Variants in FRAS1 observed in about 807,000 individuals in gnomAD.
The protein encoded by FRAS1 is Fraser extracellular matrix complex subunit 1, also known as extracellular matrix organizing protein FRAS1.
FRAS1 carries 290 observed loss-of-function variants against 435.2 expected under a neutral mutation model. That is an observed-to-expected ratio of 0.67 (90% CI 0.61 to 0.73). FRAS1 has a LOEUF of 0.73. Among genes scored for constraint, FRAS1 ranks in the 30% least tolerant of loss-of-function variants. The pLI is 0.00. For synonymous variants in FRAS1, 1,800 were observed against 1,851.0 expected, an observed-to-expected ratio of 0.97 and a Z score of 0.71; for missense variants, 4,860 against 5,001.5, an observed-to-expected ratio of 0.97 and a Z score of 0.85.
chr4:78,384,302 G>A (rs752463597), intron 28 of FRAS1, among the ~76,000 whole-genome samples, 159 bp downstream of exon 28: 3 of 152,000 alleles, frequency 2.0e-5, no homozygotes, highest in Non-Finnish European at 4.4e-5. Flanking sequence ...AGGACTTCTG[G>A]GTAATAACAA....
chr4:78,336,356 T>G (rs997190673), intron 19 of FRAS1, among the ~76,000 whole-genome samples: 2 of 152,148 alleles, frequency 1.3e-5, no homozygotes, highest in African/African-American at 4.8e-5. Flanking sequence ...GCCCAGCTGG[T>G]TTTTGTATGT....
chr4:78,199,493 G>A (rs1722958629), intron 2 of FRAS1, among the ~76,000 whole-genome samples: 1 of 152,152 alleles, frequency 6.6e-6, no homozygotes, highest in African/African-American at 2.4e-5. Flanking sequence ...CTAATGTAAG[G>A]CATTTGTCTA....
At chr4:78,511,688 A>G (rs1301450407) in intron 64 of FRAS1, 182 bp downstream of exon 64, 1 of 656,720 alleles carries the variant, frequency 1.5e-6, no homozygotes, top group Admixed American at 2.1e-5. Flanking sequence ...CTATCTTCCT[A>G]GTCTTTCTCT....
intron 3 of FRAS1, among the ~76,000 whole-genome samples, chr4:78,239,129 T>A (rs1034475720): frequency 3.3e-5 from 5 of 152,190 alleles, no homozygotes; most frequent in Non-Finnish European, 7.3e-5. Flanking sequence ...ATATTTACTA[T>A]CTGGCCCTTC....
At chr4:78,067,402 A>G (rs1740092610) in intron 2 of FRAS1, among the ~76,000 whole-genome samples, 1 of 152,128 alleles carries the variant, frequency 6.6e-6, no homozygotes, top group Non-Finnish European at 1.5e-5. Flanking sequence ...TAACTTTGCT[A>G]TGTGTTATTG....
chr4:78,466,167 T>C, intron 49 of FRAS1, 41 bp from the exon 50 acceptor site: 3 of 1,571,106 alleles, frequency 1.9e-6, no homozygotes, highest in Non-Finnish European at 2.6e-6. Flanking sequence ...TGGTTTCTGT[T>C]ATGAGCTTCC....
intron 14 of FRAS1, among the ~76,000 whole-genome samples, chr4:78,291,292 G>A (rs1397931791): frequency 6.6e-6 from 1 of 152,166 alleles, no homozygotes; most frequent in Non-Finnish European, 1.5e-5. Context: ...GGAGCTGGGG[G>A]TGGCTTCGGG....
At chr4:78,381,076 C>T (rs967825768) in intron 27 of FRAS1, among the ~76,000 whole-genome samples, 1 of 152,156 alleles carries the variant, frequency 6.6e-6, no homozygotes, top group African/African-American at 2.4e-5. Context: ...CATGTGTGTG[C>T]AGAGCTGAGA....
intron 68 of FRAS1, 131 bp downstream of exon 68, chr4:78,521,761 A>C: frequency 1.7e-6 from 1 of 586,400 alleles, no homozygotes; most frequent in Non-Finnish European, 3.0e-6. Context: ...CCATGTGCAC[A>C]TACATCCATC....
intron 9 of FRAS1, 134 bp from the exon 10 acceptor site, chr4:78,278,521 A>T (rs1480054885): frequency 1.6e-6 from 1 of 623,418 alleles, no homozygotes; most frequent in Non-Finnish European, 2.9e-6. Flanking sequence ...GGGAGATGAA[A>T]CAGGCAGAGG....
chr4:78,333,188 G>A lies in FRAS1; in HGVS notation c.2138-84G>A, dbSNP rs1578258167. ...AATGTACAGAACATACTCTGACCCA[G>A]GAATGTTAATGGGAGAGATAGAGTT... On this transcript the variant is annotated intron_variant, in intron 18 of 73. Coordinates refer to ENST00000512123, the MANE Select transcript of FRAS1 (RefSeq NM_025074.7). 2.0e-6 allele frequency: 3 copies of A among 1,465,376 alleles called. No homozygotes were observed. In the East Asian group the frequency reaches 7.2e-5, roughly 35 times the overall value. 90.8% of individuals were successfully genotyped at this position (1,465,376 alleles called of 1,614,324 possible). A position where few individuals can be genotyped will look rare whatever the true frequency, so the allele number is the denominator to read the frequency against.
intron 4 of FRAS1, among the ~76,000 whole-genome samples, 192 bp from the exon 5 acceptor site, chr4:78,252,200 C>A (rs955359728): frequency 1.3e-5 from 2 of 152,060 alleles, no homozygotes; most frequent in African/African-American, 4.8e-5. Context: ...AAGGAGAAGT[C>A]CATGTTTAAA....
chr4:78,534,394 C>T (rs1446559556), intron 70 of FRAS1, 55 bp from the exon 71 acceptor site: 1 of 1,482,350 alleles, frequency 6.7e-7, no homozygotes, highest in Non-Finnish European at 9.3e-7. Context: ...ACTCAAATGA[C>T]ATATGCAAAG....
intron 71 of FRAS1, 99 bp from the exon 72 acceptor site, chr4:78,536,896 T>C: frequency 1.2e-6 from 1 of 862,264 alleles, no homozygotes; most frequent in Non-Finnish European, 1.8e-6. Context: ...AAAGTGCTTT[T>C]CACTCTTAAG....
chr4:78,420,588 A>AACATTAGTTCTATACCTGAAAAATT (rs1484371530), intron 33 of FRAS1, among the ~76,000 whole-genome samples: 15 of 151,912 alleles, frequency 9.9e-5, no homozygotes, highest in African/African-American at 1.4e-4. Flanking sequence ...AGTTCTTAGA[A>AACATTAGTTCTATACCTGAAAAATT]TAATCAAGAC....
intron 9 of FRAS1, among the ~76,000 whole-genome samples, chr4:78,276,001 G>T (rs1578222334): frequency 6.6e-6 from 1 of 152,168 alleles, no homozygotes; most frequent in Admixed American, 6.5e-5. Context: ...TTTCTTGGAG[G>T]CTTTGTTCAT....
intron 2 of FRAS1, among the ~76,000 whole-genome samples, chr4:78,194,327 A>G (rs1308461676): frequency 2.0e-5 from 3 of 152,138 alleles, no homozygotes; most frequent in African/African-American, 7.2e-5. Flanking sequence ...CTGCCTTGCT[A>G]GATTGGGGAA....
Position 78,515,922 on chromosome 4 carries a change from A to C in FRAS1, c.10298A>C (p.Asn3433Thr), listed in dbSNP as rs1194659257. ...PKTIQLYKHL[N>T]LKSCVWTFDA... is the part of the protein sequence containing the mutation. ...ACCATCCAGCTCTACAAACACCTGAACCTGAAGAGCTGCGTGTGGACCTTT... is the reference window on the plus strand; with the variant it reads ...ACCATCCAGCTCTACAAACACCTGACCCTGAAGAGCTGCGTGTGGACCTTT... The change falls in exon 66 of 74, where the codon AAC (asparagine) becomes ACC (threonine). Residue 3433 changes from asparagine to threonine, a missense_variant. By Grantham distance (65) the Asn-to-Thr change is moderately conservative. Coordinates refer to ENST00000512123, the MANE Select transcript of FRAS1 (RefSeq NM_025074.7). 1 of 1,613,966 alleles carries C rather than the reference A, an allele frequency of 6.2e-7. No individual in the cohort carries two copies. Among genetic ancestry groups the C allele is most frequent in the Admixed American group, 1.7e-5 (1 of 60,026 alleles).
Position 78,069,366 on chromosome 4 carries a change from T to C in FRAS1, c.108+3350T>C, listed in dbSNP as rs549774645. Among the ~76,000 whole-genome samples, 14 of 152,336 alleles carry C rather than the reference T, an allele frequency of 9.2e-5. No homozygotes were observed. In the East Asian group the frequency reaches 2.7e-3, roughly 29 times the overall value. On this transcript the variant is annotated intron_variant, in intron 2 of 73. Transcript: ENST00000512123. ...CAAATGAGAGCATGGATTTAGGCAC[T>C]TGCTGCTAGTATTACGCTAACTCTC...
Sources: allele counts gnomAD v4.1 joint callset (sites outside exome capture counted in the v4.1 genomes callset), GRCh38; gene constraint gnomAD v4.1.1; transcripts MANE v1.5; gene names NCBI Gene and HGNC (gene_info 2026-07-23, HGNC 2026-07-21).